NR2C2: variants seen among roughly 807,000 people sequenced by gnomAD.
NR2C2 encodes the protein Nuclear hormone receptor TR4.
NR2C2 carries 6 observed loss-of-function variants against 62.9 expected under a neutral mutation model. The observed-to-expected ratio is 0.10, with a 90% CI of 0.05 to 0.19. The LOEUF (loss-of-function observed/expected upper bound fraction) is 0.19. Ranked by LOEUF, NR2C2 falls within the 10% of genes least tolerant of loss-of-function variation. NR2C2 has a pLI of 1.00. For synonymous variants in NR2C2, 272 were observed against 273.8 expected (o/e 0.99, Z 0.07); for missense variants, 479 against 762.7 (o/e 0.63, Z 4.38).
chr3:15,003,082 A>T (rs1249550259), intron 1 of NR2C2, among the ~76,000 whole-genome samples: 4 of 149,234 alleles, frequency 2.7e-5, no homozygotes, highest in African/African-American at 9.9e-5. Context: ...AGTAGCTGGG[A>T]TTACAGGTGC....
chr3:15,026,000 C>T (rs973834523), intron 7 of NR2C2: 1 of 152,242 alleles, frequency 6.6e-6, no homozygotes, highest in African/African-American at 2.4e-5. Context: ...GAGTATATCT[C>T]TGGCTTTCTT....
At chr3:15,040,497 C>T (rs994491666) in intron 13 of NR2C2, among the ~76,000 whole-genome samples, 5 of 152,230 alleles carry the variant, frequency 3.3e-5, no homozygotes, top group Non-Finnish European at 7.3e-5. Context: ...AACACAGATG[C>T]CCCTGGGGGC....
chr3:15,042,243 A>C (rs964722203), intron 13 of NR2C2, among the ~76,000 whole-genome samples: 1 of 152,182 alleles, frequency 6.6e-6, no homozygotes, highest in African/African-American at 2.4e-5. Context: ...AGTTTCTTCA[A>C]AATGAAAGCT....
At chr3:15,002,286 ATGT>A (rs2041030174) in intron 1 of NR2C2, among the ~76,000 whole-genome samples, 1 of 152,178 alleles carries the variant, frequency 6.6e-6, no homozygotes, top group South Asian at 2.1e-4. Context: ...TTTTCATGAA[ATGT>A]TGTTAGATTT....
chr3:15,024,246 G>A (rs1348815942), intron 7 of NR2C2, 38 bp downstream of exon 7: 3 of 1,411,988 alleles, frequency 2.1e-6, no homozygotes, highest in Non-Finnish European at 2.9e-6. Flanking sequence ...CATCCTTTAT[G>A]TTGACATTGC....
intron 1 of NR2C2, among the ~76,000 whole-genome samples, chr3:14,978,400 C>T (rs1394618812): frequency 6.6e-6 from 1 of 152,194 alleles, no homozygotes; most frequent in East Asian, 1.9e-4. Flanking sequence ...TCTCATGTAG[C>T]ATGCTAGTAT....
intron 3 of NR2C2, among the ~76,000 whole-genome samples, chr3:15,015,425 C>A (rs1044151841): frequency 2.6e-5 from 4 of 152,226 alleles, no homozygotes; most frequent in Non-Finnish European, 4.4e-5. Flanking sequence ...CAGCTCACCA[C>A]CAGCTGCCTC....
Position 15,039,111 on chromosome 3 carries a change from T to C in NR2C2, c.1511-11T>C. On this transcript the variant is annotated splice_polypyrimidine_tract_variant and intron_variant, in intron 12 of 13. Transcript: ENST00000425241. ...AGAGGGAACTGGGGGGGGGTACTTT[T>C]CTGTTTTCAGATCATCCAGGTTTGA... 6.2e-7 allele frequency: 1 copy of C among 1,609,232 alleles called. No homozygotes were observed. Among genetic ancestry groups the C allele is most frequent in the Non-Finnish European group, 8.5e-7 (1 of 1,175,578 alleles).
chr3:15,019,034 A>T (rs2041595064), intron 4 of NR2C2, among the ~76,000 whole-genome samples: 1 of 149,350 alleles, frequency 6.7e-6, no homozygotes, highest in East Asian at 1.9e-4. Context: ...AAAAAAAAAA[A>T]AAAAAGATTT....
At chr3:15,012,186 G>A (rs1436247498) in intron 2 of NR2C2, among the ~76,000 whole-genome samples, 1 of 150,902 alleles carries the variant, frequency 6.6e-6, no homozygotes, top group Non-Finnish European at 1.5e-5. Flanking sequence ...AAGCTGTTGT[G>A]TTAGACTGTG....
rs1303883225 is a variant in NR2C2, at chr3:14,947,821, C to G, written c.-125C>G. 6.7e-6 allele frequency: 1 copy of G among 149,336 alleles called. No homozygotes were observed. Among genetic ancestry groups the G allele is most frequent in the Admixed American group, 6.6e-5 (1 of 15,098 alleles). 9.3% of individuals were successfully genotyped at this position (149,336 alleles called of 1,614,324 possible). A position where few individuals can be genotyped will look rare whatever the true frequency, so the allele number is the denominator to read the frequency against. The stretch of plus-strand genomic sequence containing the variant: ...CATCCGCCGACACCGGGAGCCCGGG[C>G]TCCCCGCGCCCTGCCCTCCGCGCCG... On this transcript the variant is annotated 5_prime_UTR_variant, in exon 1 of 14. Coordinates refer to ENST00000425241, the MANE Select transcript of NR2C2 (RefSeq NM_001291694.2).
intron 1 of NR2C2, among the ~76,000 whole-genome samples, chr3:14,957,564 A>G (rs1278971365): frequency 6.6e-6 from 1 of 152,186 alleles, no homozygotes; most frequent in East Asian, 1.9e-4. Flanking sequence ...TACTACTATC[A>G]TTCTATGGTC....
intron 1 of NR2C2, among the ~76,000 whole-genome samples, chr3:14,982,447 T>C (rs2040397601): frequency 6.6e-6 from 1 of 152,154 alleles, no homozygotes; most frequent in South Asian, 2.1e-4. Flanking sequence ...TTAGAGAGAG[T>C]TGATCTCTTC....
At chr3:14,996,192 G>A (rs59709048) in intron 1 of NR2C2, among the ~76,000 whole-genome samples, 1 of 152,122 alleles carries the variant, frequency 6.6e-6, no homozygotes. Flanking sequence ...TATGTATTTT[G>A]TTGTTGTTGC....
chr3:15,019,442 CATT>C (rs1322687038), intron 4 of NR2C2, among the ~76,000 whole-genome samples: 2 of 152,134 alleles, frequency 1.3e-5, no homozygotes, highest in Admixed American at 1.3e-4. Context: ...GAAATAAAAT[CATT>C]ATGTTGAAGA....
rs534671677 is a variant in NR2C2, at chr3:14,966,585, C to G, written c.-40+18679C>G. On this transcript the variant is annotated intron_variant, in intron 1 of 13. Transcript: ENST00000425241. ...CCTGGATGACAGAGTGAGAACCTGT[C>G]TCTAAAATAAGTCTTTTTAGAAATG... is the stretch of plus-strand genomic sequence containing the variant. Among the ~76,000 whole-genome samples, 10 of 152,288 alleles carry G rather than the reference C, an allele frequency of 6.6e-5. No homozygotes were observed. The East Asian group carries it at 1.3e-3, about 21-fold the overall frequency.
intron 7 of NR2C2, among the ~76,000 whole-genome samples, 200 bp downstream of exon 7, chr3:15,024,408 T>G (rs2041764971): frequency 6.6e-6 from 1 of 152,254 alleles, no homozygotes; most frequent in Non-Finnish European, 1.5e-5. Context: ...CAGAGCTGGC[T>G]GGTCATAATC....
At chr3:14,964,158 C>T (rs1016816628) in intron 1 of NR2C2, among the ~76,000 whole-genome samples, 12 of 152,046 alleles carry the variant, frequency 7.9e-5, no homozygotes, top group African/African-American at 2.9e-4. Context: ...GAGTTAAGTT[C>T]CTATGGCATA....
At chr3:14,995,563 TTATC>T (rs1004976619) in intron 1 of NR2C2, among the ~76,000 whole-genome samples, 3 of 152,152 alleles carry the variant, frequency 2.0e-5, no homozygotes, top group Non-Finnish European at 4.4e-5. Context: ...ATACCACATT[TTATC>T]TATTCATCAG....
Sources: gnomAD v4.1 joint callset for allele counts (sites outside exome capture counted in the v4.1 genomes callset) on GRCh38, gnomAD v4.1.1 for gene constraint, MANE v1.5 for transcripts, NCBI Gene and HGNC (gene_info 2026-07-23, HGNC 2026-07-21) for gene names.